The following HPSE2 variants were observed in gnomAD, a reference collection of about 807,000 sequenced individuals.
HPSE2 encodes heparanase 2 (inactive), also known as inactive heparanase-2.
HPSE2 carries 38 observed loss-of-function variants against 60.5 expected under a neutral mutation model. The ratio of observed to expected loss-of-function variants is 0.63; its 90% CI spans 0.48 to 0.82. The LOEUF is 0.82. Among genes scored for constraint, HPSE2 ranks in the 40% least tolerant of loss-of-function variants. HPSE2 has a pLI of 0.00. For missense variants in HPSE2, 713 were observed against 740.4 expected (o/e 0.96, Z 0.43); for synonymous variants, 295 against 293.2 (o/e 1.01, Z -0.06).
chr10:98,791,597 C>T (rs145966922), intron 3 of HPSE2, among the ~76,000 whole-genome samples: 36 of 152,320 alleles, frequency 2.4e-4, no homozygotes, highest in Non-Finnish European at 4.7e-4. Context: ...AATTGCCTCA[C>T]ATAAAAATAT....
chr10:98,712,402 C>G (rs1948696843), intron 5 of HPSE2, among the ~76,000 whole-genome samples: 1 of 151,834 alleles, frequency 6.6e-6, no homozygotes, highest in Non-Finnish European at 1.5e-5. Context: ...TGCCTTGGGC[C>G]CATAAAAGTC....
intron 3 of HPSE2, among the ~76,000 whole-genome samples, chr10:99,016,672 T>C (rs1957149763): frequency 6.6e-6 from 1 of 152,220 alleles, no homozygotes; most frequent in South Asian, 2.1e-4. Flanking sequence ...GCATGGAATC[T>C]TTTTCCATTT....
chr10:99,121,777 C>T (rs976766085), intron 3 of HPSE2, among the ~76,000 whole-genome samples: 2 of 151,964 alleles, frequency 1.3e-5, no homozygotes, highest in African/African-American at 2.4e-5. Flanking sequence ...TTTAAATATG[C>T]GGGAAGCAAT....
At chr10:98,754,939 G>C (rs1209546267) in intron 3 of HPSE2, among the ~76,000 whole-genome samples, 2 of 151,820 alleles carry the variant, frequency 1.3e-5, no homozygotes, top group African/African-American at 4.8e-5. Flanking sequence ...AAACACACTT[G>C]ATTGACACTA....
At chr10:98,978,239 T>G (rs1956131445) in intron 3 of HPSE2, among the ~76,000 whole-genome samples, 1 of 152,134 alleles carries the variant, frequency 6.6e-6, no homozygotes, top group South Asian at 2.1e-4. Flanking sequence ...GGAGATAAAT[T>G]TTTTTAAAAG....
chr10:99,179,663 C>T (rs972580007), intron 2 of HPSE2, among the ~76,000 whole-genome samples: 16 of 151,804 alleles, frequency 1.1e-4, no homozygotes, highest in African/African-American at 2.4e-4. Flanking sequence ...GAATCAATAT[C>T]GTGAAAATGA....
chr10:98,916,348 C>G (rs547837796), intron 3 of HPSE2, among the ~76,000 whole-genome samples: 52 of 152,268 alleles, frequency 3.4e-4, no homozygotes, highest in African/African-American at 1.2e-3. Flanking sequence ...CAATGTCTAC[C>G]CCTTGCTGTA....
chr10:98,639,002 T>G (rs1184923608), intron 7 of HPSE2, among the ~76,000 whole-genome samples: 1 of 152,224 alleles, frequency 6.6e-6, no homozygotes, highest in African/African-American at 2.4e-5. Flanking sequence ...TTCCAGAATC[T>G]TGCCACTCCC....
chr10:98,691,651 A>G (rs1347583575), intron 6 of HPSE2, among the ~76,000 whole-genome samples: 1 of 152,194 alleles, frequency 6.6e-6, no homozygotes. Context: ...AGGACACTGA[A>G]CAGAGTTTCA....
chr10:98,556,637 T>C (rs1466359297), intron 9 of HPSE2, among the ~76,000 whole-genome samples: 1 of 152,102 alleles, frequency 6.6e-6, no homozygotes, highest in Admixed American at 6.6e-5. Flanking sequence ...TTGAAAACTA[T>C]AAAACCTTAT....
intron 9 of HPSE2, among the ~76,000 whole-genome samples, chr10:98,527,307 C>T (rs1268544849): frequency 1.3e-5 from 2 of 152,160 alleles, no homozygotes; most frequent in African/African-American, 2.4e-5. Context: ...TCTTTATTGG[C>T]TGCCCACTGC....
At chr10:98,463,885 A>G (rs140328587) in intron 11 of HPSE2, among the ~76,000 whole-genome samples, 1,788 of 151,652 alleles carry the variant, frequency 0.012, 36 homozygotes, top group African/African-American at 0.039. Context: ...TTGGGAGGCC[A>G]AGGTGGGTGG....
At chr10:98,507,748 C>T (rs1209091981) in intron 9 of HPSE2, among the ~76,000 whole-genome samples, 1 of 152,140 alleles carries the variant, frequency 6.6e-6, no homozygotes, top group Non-Finnish European at 1.5e-5. Flanking sequence ...TCCTTCCTCC[C>T]TTTGTTCCTC....
chr10:98,851,394 G>C (rs1018688182), intron 3 of HPSE2, among the ~76,000 whole-genome samples: 2 of 151,004 alleles, frequency 1.3e-5, no homozygotes, highest in Non-Finnish European at 1.5e-5. Context: ...TTTTCATGAA[G>C]TGAAAAGATT....
chr10:98,578,600 C>T (rs1944704818), intron 9 of HPSE2, among the ~76,000 whole-genome samples: 1 of 152,164 alleles, frequency 6.6e-6, no homozygotes, highest in African/African-American at 2.4e-5. Context: ...AAATAGTCTG[C>T]ATTTTTGATT....
At chr10:98,643,348 T>G (rs930401668) in intron 6 of HPSE2, among the ~76,000 whole-genome samples, 1 of 152,210 alleles carries the variant, frequency 6.6e-6, no homozygotes, top group Non-Finnish European at 1.5e-5. Context: ...TGAACAACTT[T>G]TAGTTCTTCC....
intron 3 of HPSE2, among the ~76,000 whole-genome samples, chr10:99,085,310 C>G (rs1230098572): frequency 1.3e-5 from 2 of 152,164 alleles, no homozygotes; most frequent in Non-Finnish European, 2.9e-5. Context: ...GTAATTTGTC[C>G]AAGCTCCTGT....
chr10:98,824,747 T>C (rs1338427182), intron 3 of HPSE2, among the ~76,000 whole-genome samples: 2 of 152,336 alleles, frequency 1.3e-5, no homozygotes, highest in African/African-American at 4.8e-5. Context: ...ATCAAAACCA[T>C]TTCATGAGTC....
chr10:98,908,682 T>TAA (rs1953893509), intron 3 of HPSE2, among the ~76,000 whole-genome samples: 1 of 9,568 alleles, frequency 1.0e-4, no homozygotes, highest in Non-Finnish European at 2.2e-4. Flanking sequence ...TAGCTCCATC[T>TAA]CAAAAAAAAA....
Sources: gnomAD v4.1 joint callset for allele counts (sites outside exome capture counted in the v4.1 genomes callset) on GRCh38, gnomAD v4.1.1 for gene constraint, MANE v1.5 for transcripts, NCBI Gene and HGNC (gene_info 2026-07-23, HGNC 2026-07-21) for gene names.